SASH1: variants seen among roughly 807,000 people sequenced by gnomAD.
SASH1 encodes SAM and SH3 domain-containing protein 1.
A neutral mutation model predicts 125.2 loss-of-function variants in SASH1; 44 were observed. That is an observed-to-expected ratio of 0.35 (90% confidence interval 0.28 to 0.45). The LOEUF (loss-of-function observed/expected upper bound fraction) is 0.45, where lower values mean the gene tolerates loss of function less well. SASH1 is among the 20% of genes least tolerant of loss of function. The probability of loss-of-function intolerance (pLI) is 1.00; values close to 1 mark genes in which losing one functional copy is unlikely to be tolerated. For missense variants in SASH1, 1,426 were observed against 1,614.5 expected (o/e 0.88, Z 2.00); for synonymous variants, 639 against 649.1 (o/e 0.98, Z 0.24).
chr6:148,460,388 C>G lies in SASH1; in HGVS notation c.387-8157C>G, dbSNP rs553433066. Among the ~76,000 whole-genome samples, 5 of 152,284 alleles carry G rather than the reference C, an allele frequency of 3.3e-5. No individual in the cohort carries two copies. The East Asian group carries it at 9.6e-4, about 29-fold the overall frequency. On this transcript the variant is annotated intron_variant, in intron 4 of 19. Transcript: ENST00000367467. The stretch of plus-strand genomic sequence containing the variant: ...AGAATTTAGATCTTTCAGTGTCCAT[C>G]TAGCACCTCCAAGTGTGAGAATTTG...
At chr6:148,243,740 C>G in the SASH1 span, among the ~76,000 whole-genome samples, 1 of 151,266 alleles carries the variant, frequency 6.6e-6, no homozygotes, top group African/African-American at 2.4e-5. Context: ...ACCTTTAGCT[C>G]CCTAAACAAA....
chr6:148,362,424 A>G (rs1026258792), intron 1 of SASH1, among the ~76,000 whole-genome samples: 2 of 152,050 alleles, frequency 1.3e-5, no homozygotes, highest in African/African-American at 4.8e-5. Context: ...CTATGAGATA[A>G]GCAGTGATGT....
At chr6:148,517,632 G>C (rs1780518532) in intron 9 of SASH1, among the ~76,000 whole-genome samples, 1 of 152,180 alleles carries the variant, frequency 6.6e-6, no homozygotes, top group Non-Finnish European at 1.5e-5. Context: ...GGCAGATGCA[G>C]CCTCCTGGGA....
the SASH1 span, among the ~76,000 whole-genome samples, chr6:148,255,430 C>CT: frequency 6.6e-6 from 1 of 152,138 alleles, no homozygotes; most frequent in Non-Finnish European, 1.5e-5. Flanking sequence ...TAATTACCTC[C>CT]TTAAAGACCC....
At chr6:148,218,602 G>A in the SASH1 span, among the ~76,000 whole-genome samples, 1 of 152,166 alleles carries the variant, frequency 6.6e-6, no homozygotes, top group Non-Finnish European at 1.5e-5. Context: ...TGCTCTGGTG[G>A]CAGAAGGAGA....
chr6:148,318,797 C>G (rs925706971), intron 1 of SASH1, among the ~76,000 whole-genome samples: 1 of 151,906 alleles, frequency 6.6e-6, no homozygotes, highest in Admixed American at 6.6e-5. Flanking sequence ...GTGATCCGCC[C>G]GCCTCAGCCT....
intron 2 of SASH1, among the ~76,000 whole-genome samples, chr6:148,405,312 G>A (rs1167578865): frequency 6.6e-6 from 1 of 152,054 alleles, no homozygotes; most frequent in Admixed American, 6.6e-5. Context: ...AGAGAGAGAA[G>A]GAGGAGCAGG....
At chr6:148,545,012 G>A (rs975820569) in intron 18 of SASH1, among the ~76,000 whole-genome samples, 194 bp downstream of exon 18, 1 of 152,132 alleles carries the variant, frequency 6.6e-6, no homozygotes, top group Non-Finnish European at 1.5e-5. Context: ...TCATCTCTCC[G>A]TAGGTAAACC....
At chr6:148,449,944 T>G (rs1399621008) in intron 4 of SASH1, among the ~76,000 whole-genome samples, 1 of 152,110 alleles carries the variant, frequency 6.6e-6, no homozygotes, top group Non-Finnish European at 1.5e-5. Flanking sequence ...GAGGGAGAAC[T>G]CACTCACTAC....
chr6:148,263,862 G>C, the SASH1 span, among the ~76,000 whole-genome samples: 1 of 152,156 alleles, frequency 6.6e-6, no homozygotes, highest in African/African-American at 2.4e-5. Flanking sequence ...GAAGACTGAG[G>C]GTGGAGGACT....
Position 148,448,375 on chromosome 6 carries a change from C to G in SASH1, c.386+7968C>G, listed in dbSNP as rs1776910638. 2.0e-5 allele frequency among the ~76,000 whole-genome samples: 3 copies of G among 152,048 alleles called. No individual in the cohort carries two copies. In the South Asian group the frequency reaches 6.2e-4, roughly 32 times the overall value. On this transcript the variant is annotated intron_variant, in intron 4 of 19. Coordinates refer to ENST00000367467, the MANE Select transcript of SASH1 (RefSeq NM_015278.5). ...CTTTCCCTAGTTGCTAAACTTTTGC[C>G]ATGAAGCCTGGCTCCTGTCTTCATT...
At chr6:148,455,446 A>T (rs952357536) in intron 4 of SASH1, among the ~76,000 whole-genome samples, 3 of 152,122 alleles carry the variant, frequency 2.0e-5, no homozygotes, top group Non-Finnish European at 4.4e-5. Flanking sequence ...CGGTGTCTGA[A>T]TCATTTCCAG....
At chr6:148,287,050 T>C (rs1262400951) in intron 1 of SASH1, among the ~76,000 whole-genome samples, 1 of 151,986 alleles carries the variant, frequency 6.6e-6, no homozygotes, top group African/African-American at 2.4e-5. Context: ...AGGGTCAGAT[T>C]TGAGGGATGA....
At chr6:148,476,363 T>C (rs1778346863) in intron 7 of SASH1, among the ~76,000 whole-genome samples, 1 of 146,360 alleles carries the variant, frequency 6.8e-6, no homozygotes, top group African/African-American at 2.5e-5. Context: ...CCCAAAGCAA[T>C]CTACAGATTC....
chr6:148,486,510 A>G (rs1487225792), intron 7 of SASH1, among the ~76,000 whole-genome samples: 2 of 152,140 alleles, frequency 1.3e-5, no homozygotes, highest in South Asian at 2.1e-4. Context: ...TAAGATCTCA[A>G]TAGAGAGACC....
At chr6:148,524,190 A>C (rs1327466086) in intron 10 of SASH1, among the ~76,000 whole-genome samples, 1 of 138,588 alleles carries the variant, frequency 7.2e-6, no homozygotes, top group South Asian at 2.7e-4. Context: ...AGTTTTTACC[A>C]TTGAAAATAA....
intron 1 of SASH1, among the ~76,000 whole-genome samples, chr6:148,306,740 C>G (rs1358907538): frequency 1.3e-5 from 2 of 152,196 alleles, no homozygotes; most frequent in Admixed American, 6.5e-5. Context: ...TCCTTTCCCC[C>G]TGAGAAAGAG....
chr6:148,407,025 T>A (rs1259884137), intron 2 of SASH1, among the ~76,000 whole-genome samples: 1 of 152,176 alleles, frequency 6.6e-6, no homozygotes. Context: ...TTAAGTTGAG[T>A]TTATCTTGTA....
Position 148,487,474 on chromosome 6 carries a change from C to A in SASH1, c.628-140C>A, listed in dbSNP as rs117125897. 413 of 621,244 alleles carry A rather than the reference C, an allele frequency of 6.6e-4. 2 individuals carry two copies. In the Middle Eastern group the frequency reaches 7.0e-3, roughly 10 times the overall value. The allele number at this position is 621,244 out of a possible 1,614,324, so 38.5% of individuals were successfully genotyped here. A position where few individuals can be genotyped will look rare whatever the true frequency, so the allele number is the denominator to read the frequency against. On this transcript the variant is annotated intron_variant, in intron 7 of 19. Coordinates refer to ENST00000367467, the MANE Select transcript of SASH1 (RefSeq NM_015278.5). The stretch of plus-strand genomic sequence containing the variant: ...ACCAACACTGGCATGAAGAAGGTAC[C>A]CAAAGTGATCTCTGTGCTGCGTGAG...
Sources: allele counts gnomAD v4.1 joint callset (sites outside exome capture counted in the v4.1 genomes callset), GRCh38; gene constraint gnomAD v4.1.1; transcripts MANE v1.5; gene names NCBI Gene and HGNC (gene_info 2026-07-23, HGNC 2026-07-21).